Variants in AQR observed in about 807,000 individuals in gnomAD.
AQR encodes the protein RNA helicase aquarius.
AQR carries 61 observed loss-of-function variants against 180.5 expected under a neutral mutation model. That is an observed-to-expected ratio of 0.34 (90% CI 0.28 to 0.42). The LOEUF is 0.42. Among genes scored for constraint, AQR ranks in the 10% least tolerant of loss-of-function variants. AQR has a pLI of 1.00. For synonymous variants in AQR, 551 were observed against 588.8 expected, an observed-to-expected ratio of 0.94 and a Z score of 0.93; for missense variants, 1,281 against 1,798.3, an observed-to-expected ratio of 0.71 and a Z score of 5.20.
chr15:34,891,330 A>AACAAAAC (rs1323019295), intron 23 of AQR, among the ~76,000 whole-genome samples: 3 of 152,136 alleles, frequency 2.0e-5, no homozygotes, highest in Admixed American at 6.5e-5. Context: ...AAAAACAAAA[A>AACAAAAC]ACAAAACCCC....
rs547973200 is a variant in AQR at position 34,855,212 on chromosome 15, T to C, written c.*1580A>G. ...TCATAAAATGAGAGTCTGTACCATA[T>C]TCAACACAGCCTGGTAGAGCTGAGC... On this transcript the variant is annotated 3_prime_UTR_variant, in exon 35 of 35. Transcript: ENST00000156471. The C allele has an allele frequency of 1.3e-5, 2 of 152,378 alleles. No individual in the cohort carries two copies. Among genetic ancestry groups the C allele is most frequent in the East Asian group, 3.9e-4 (2 of 5,192 alleles). 9.4% of individuals were successfully genotyped at this position (152,378 alleles called of 1,614,324 possible).
In AQR at chr15:34,934,588, G is replaced by A. The variant is rs780236849; in HGVS notation, c.766C>T (p.Leu256Phe). The change falls in exon 10 of 35, where the codon CTT becomes TTT. Residue 256 changes from leucine (L) to phenylalanine (F), a missense_variant. By Grantham distance (22) the Leu-to-Phe change is conservative (BLOSUM62 0). This residue lies in a region of AQR where 404 missense variants were observed against 490.9 expected (regional missense o/e 0.82). Coordinates refer to ENST00000156471, the MANE Select transcript of AQR (RefSeq NM_014691.3). The stretch of plus-strand genomic sequence containing the variant: ...TTTCTTACCTCTAGATCAATCATAA[G>A]TTCAATGAATCTTTCACAGTAATGA... ...KVHYCERFIE[L>F]MIDLEALLPT... 9.4e-6 allele frequency: 15 copies of A among 1,593,400 alleles called. No individual in the cohort carries two copies. In the Admixed American group the frequency reaches 1.6e-4, roughly 17 times the overall value.
At chr15:34,902,130 A>G (rs939285655) in intron 19 of AQR, among the ~76,000 whole-genome samples, 10 of 152,142 alleles carry the variant, frequency 6.6e-5, no homozygotes, top group African/African-American at 1.7e-4. Flanking sequence ...AACTCAAGTA[A>G]AAGATTTGTG....
chr15:34,924,610 T>G (rs1893729784), intron 13 of AQR, among the ~76,000 whole-genome samples: 1 of 152,072 alleles, frequency 6.6e-6, no homozygotes, highest in Non-Finnish European at 1.5e-5. Flanking sequence ...TTTTGTATTT[T>G]TAGTAAGATG....
Position 34,904,372 on chromosome 15 carries a change from T to C in AQR, c.1965A>G (p.Ile655Met). Residue 655 changes from isoleucine to methionine, a missense_variant, in exon 19 of 35, where the codon ATA becomes ATG. Ile to Met is a conservative substitution (Grantham distance 10, BLOSUM62 1). Around this residue, in one of 9 missense-constraint regions of AQR, gnomAD observed 200 missense variants for 293.4 expected, o/e 0.68. Transcript: ENST00000156471. ...GAEDVYETFNIIMRRKPKENN... is the reference protein window; with the variant it reads ...GAEDVYETFNMIMRRKPKENN... The stretch of plus-strand genomic sequence containing the variant: ...TTTCCTTTGGTTTTCTCCTCATTAT[T>C]ATATTAAAAGTTTCATACACATCCT... 1.2e-6 allele frequency: 2 copies of C among 1,604,356 alleles called. No individual in the cohort carries two copies. The highest frequency in any genetic ancestry group is 1.1e-5 in the South Asian group (1 of 88,326).
chr15:34,926,984 T>C (rs748970352), intron 13 of AQR, 51 bp downstream of exon 13: 2 of 1,132,142 alleles, frequency 1.8e-6, no homozygotes, highest in Non-Finnish European at 2.5e-6. Context: ...AAAGTAAAAT[T>C]GAGGGAGCAT....
chr15:34,865,112 G>C (rs1317994417), intron 32 of AQR, among the ~76,000 whole-genome samples: 1 of 152,120 alleles, frequency 6.6e-6, no homozygotes, highest in Non-Finnish European at 1.5e-5. Context: ...CTTGAAAGCA[G>C]GGCAATATGG....
chr15:34,939,661 G>A (rs529150244), intron 8 of AQR, among the ~76,000 whole-genome samples: 14 of 152,248 alleles, frequency 9.2e-5, no homozygotes, highest in African/African-American at 1.7e-4. Context: ...TAACAGTCCT[G>A]CTGGAAATAC....
At chr15:34,874,170 G>C (rs1472645244) in intron 29 of AQR, 171 bp from the exon 30 acceptor site, 2 of 562,486 alleles carry the variant, frequency 3.6e-6, no homozygotes, top group Non-Finnish European at 5.6e-6. Flanking sequence ...CCTACTTCAA[G>C]TAACCAAGGG....
At chr15:34,965,889 T>C (rs1013244625) in intron 1 of AQR, among the ~76,000 whole-genome samples, 2 of 152,188 alleles carry the variant, frequency 1.3e-5, no homozygotes, top group African/African-American at 2.4e-5. Context: ...AATAAAAATG[T>C]ATATCCTATC....
chr15:34,882,665 A>G (rs749044536), intron 26 of AQR, 26 bp from the exon 27 acceptor site: 2 of 1,587,548 alleles, frequency 1.3e-6, no homozygotes, highest in South Asian at 2.3e-5. Flanking sequence ...GCAATGAAAG[A>G]TAATTTTAGG....
At chr15:34,913,817 A>C (rs1893535870) in intron 16 of AQR, among the ~76,000 whole-genome samples, 1 of 152,224 alleles carries the variant, frequency 6.6e-6, no homozygotes, top group Non-Finnish European at 1.5e-5. Flanking sequence ...AATTTCAGCA[A>C]AGCTGTGGGC....
At chr15:34,943,001 T>A in intron 6 of AQR, 1 of 1,442,110 alleles carries the variant, frequency 6.9e-7, no homozygotes, top group Non-Finnish European at 9.5e-7. Flanking sequence ...AAAAATCACA[T>A]CTATTTATAT....
chr15:34,931,025 AC>A (rs1355772894), intron 11 of AQR, among the ~76,000 whole-genome samples: 2 of 151,828 alleles, frequency 1.3e-5, no homozygotes, highest in Non-Finnish European at 2.9e-5. Context: ...TTTAGTAGAG[AC>A]GGGGTTTCAC....
Position 34,904,560 on chromosome 15 carries a change from A to G in AQR, c.1832-55T>C. The G allele has an allele frequency of 2.0e-6, 3 of 1,477,176 alleles. No individual in the cohort carries two copies. In the South Asian group the frequency reaches 3.9e-5, roughly 19 times the overall value. The allele number at this position is 1,477,176 out of a possible 1,614,324, so 91.5% of individuals were successfully genotyped here. A position where few individuals can be genotyped will look rare whatever the true frequency, so the allele number is the denominator to read the frequency against. On this transcript the variant is annotated intron_variant, in intron 18 of 34. Transcript: ENST00000156471. Reference sequence around the variant, plus strand: ...AAATATGTATTTTTCAAATATCAAAATAAGTTAACAGTATTTCTTTTCTAG... The same window carrying G: ...AAATATGTATTTTTCAAATATCAAAGTAAGTTAACAGTATTTCTTTTCTAG...
rs1174370425 is a variant in AQR, at chr15:34,950,084, C to CTTTTT, written c.210-1705_210-1701dup. ...ATTTTTACTTCTCTTTGCTATTTTC[C>CTTTTT]TTTTTTTTTTTTTTTTTTTTTTTTG... On this transcript the variant is annotated intron_variant, in intron 4 of 34. Transcript: ENST00000156471. 1.8e-3 allele frequency among the ~76,000 whole-genome samples: 137 copies of CTTTTT among 74,066 alleles called. 1 individual carries two copies. The highest frequency in any genetic ancestry group is 2.7e-3 in the African/African-American group (48 of 17,546). The allele number at this position is 74,066 out of a possible 152,430, so 48.6% of individuals were successfully genotyped here. A position where few individuals can be genotyped will look rare whatever the true frequency, so the allele number is the denominator to read the frequency against.
intron 10 of AQR, among the ~76,000 whole-genome samples, chr15:34,933,912 G>A (rs904012470): frequency 6.6e-6 from 1 of 152,142 alleles, no homozygotes; most frequent in Non-Finnish European, 1.5e-5. Context: ...CTTGAGCCCA[G>A]GAGTTCAAGA....
Position 34,969,581 on chromosome 15 carries a change from C to T in AQR, c.33G>A (p.Val11=). 1 of 1,613,746 alleles carries T rather than the reference C, an allele frequency of 6.2e-7. No individual in the cohort carries two copies. Among genetic ancestry groups the T allele is most frequent in the Non-Finnish European group, 8.5e-7 (1 of 1,180,028 alleles). The change falls in exon 1 of 35, where the codon GTG becomes GTA. Residue 11 remains valine (V), a synonymous_variant. Coordinates refer to ENST00000156471, the MANE Select transcript of AQR (RefSeq NM_014691.3). MAAPAQPKKI[V]APTVSQINAE... ...CATTGATTTGGGACACCGTAGGGGCCACGATCTTCTTGGGCTGCGCAGGGG... is the reference window on the plus strand; with the variant it reads ...CATTGATTTGGGACACCGTAGGGGCTACGATCTTCTTGGGCTGCGCAGGGG...
chr15:34,963,123 G>A (rs1176021101), intron 2 of AQR, among the ~76,000 whole-genome samples: 1 of 152,140 alleles, frequency 6.6e-6, no homozygotes, highest in African/African-American at 2.4e-5. Context: ...GATACTACAT[G>A]TGTGAGCCAC....
Sources: gnomAD v4.1 joint callset for allele counts (sites outside exome capture counted in the v4.1 genomes callset) on GRCh38, gnomAD v4.1.1 for gene constraint, gnomAD v4.1.1 regional missense constraint, MANE v1.5 for transcripts, NCBI Gene and HGNC (gene_info 2026-07-23, HGNC 2026-07-21) for gene names.